Variants in LAMA3 observed in about 807,000 individuals in gnomAD.
LAMA3 encodes the protein laminin subunit alpha-3.
Under a neutral mutation model 402.0 loss-of-function variants are expected in LAMA3, and 281 were observed. The ratio of observed to expected loss-of-function variants is 0.70; its 90% CI spans 0.63 to 0.77. The LOEUF (loss-of-function observed/expected upper bound fraction) is 0.77. Among genes scored for constraint, LAMA3 ranks in the 30% least tolerant of loss-of-function variants. The pLI is 0.00. For missense variants in LAMA3, 3,840 were observed against 4,215.5 expected, an observed-to-expected ratio of 0.91 and a Z score of 2.47; for synonymous variants, 1,431 against 1,558.4, an observed-to-expected ratio of 0.92 and a Z score of 1.93.
At chr18:23,858,466 G>C (rs1598936503) in intron 33 of LAMA3, among the ~76,000 whole-genome samples, 1 of 152,132 alleles carries the variant, frequency 6.6e-6, no homozygotes, top group Admixed American at 6.5e-5. Context: ...TGCCCCAGGG[G>C]CATCTTATGA....
At position 23,954,696 on chromosome 18, in the gene LAMA3, T is replaced by A. The variant is rs886053680; in HGVS notation, c.*48T>A. 1 of 1,587,512 alleles carries A rather than the reference T, an allele frequency of 6.3e-7. No homozygotes were observed. The highest frequency in any genetic ancestry group is 1.7e-4 in the Middle Eastern group (1 of 5,988). ...GAAATTCACCTTCAAAAGCACTGAT[T>A]ACCCAATGCACCTCCCTCCCCAGCT... On this transcript the variant is annotated 3_prime_UTR_variant, in exon 75 of 75. Coordinates refer to ENST00000313654, the MANE Select transcript of LAMA3 (RefSeq NM_198129.4).
At chr18:23,811,313 C>T (rs2063064775) in intron 13 of LAMA3, among the ~76,000 whole-genome samples, 1 of 152,150 alleles carries the variant, frequency 6.6e-6, no homozygotes, top group Non-Finnish European at 1.5e-5. Flanking sequence ...TTGTGGAAGG[C>T]TGACCCAGAC....
chr18:23,933,767 C>T lies in LAMA3; in HGVS notation c.8709-15C>T. On this transcript the variant is annotated splice_polypyrimidine_tract_variant and intron_variant, in intron 66 of 74. Coordinates refer to ENST00000313654, the MANE Select transcript of LAMA3 (RefSeq NM_198129.4). ...CCAAGTTTGGCAGCATCTTTCATTT[C>T]TGCTCTTTTTCCAGGTTATCACTGA... 6.2e-7 allele frequency: 1 copy of T among 1,613,920 alleles called. No individual in the cohort carries two copies. The highest frequency in any genetic ancestry group is 8.5e-7 in the Non-Finnish European group (1 of 1,179,920).
Position 23,898,825 on chromosome 18 carries a change from G to T in LAMA3, c.5701G>T (p.Glu1901Ter). 2 of 1,610,302 alleles carry T rather than the reference G, an allele frequency of 1.2e-6. No homozygotes were observed. The highest frequency in any genetic ancestry group is 1.7e-6 in the Non-Finnish European group (2 of 1,176,576). ...AAGAGAACTGACTGATTTGAATCAA[G>T]AATTTGAGACTTTGCAAGAAAAGGT... ...LERELTDLNQEFETLQEKAQV... is the reference protein window; with the variant it reads ...LERELTDLNQ The change falls in exon 45 of 75, where the codon GAA becomes TAA. Residue 1901 changes from glutamate to a stop codon, truncating the protein, a stop_gained. Coordinates refer to ENST00000313654, the MANE Select transcript of LAMA3 (RefSeq NM_198129.4). LOFTEE classifies it high-confidence loss of function.
chr18:23,913,010 C>A (rs1210343970), intron 56 of LAMA3, 129 bp downstream of exon 56: 4 of 863,860 alleles, frequency 4.6e-6, no homozygotes, highest in Admixed American at 1.9e-5. Flanking sequence ...GAGACATCGA[C>A]AAATCCCTCC....
intron 70 of LAMA3, 98 bp from the exon 71 acceptor site, chr18:23,949,667 C>T: frequency 8.7e-7 from 1 of 1,144,276 alleles, no homozygotes; most frequent in Non-Finnish European, 1.3e-6. Context: ...ACCTACCTTC[C>T]CCCTTTTGCT....
intron 32 of LAMA3, among the ~76,000 whole-genome samples, chr18:23,857,051 G>A (rs1352793033): frequency 2.0e-5 from 3 of 152,212 alleles, no homozygotes; most frequent in Non-Finnish European, 4.4e-5. Flanking sequence ...GCACTGGGAT[G>A]AAATTTTGCA....
chr18:23,898,847 A>G lies in LAMA3; in HGVS notation c.5723A>G (p.Lys1908Arg). The change falls in exon 45 of 75, where the codon AAG (lysine) becomes AGG (arginine). Residue 1908 changes from lysine (K) to arginine (R), a missense_variant and splice_region_variant. Transcript: ENST00000313654. ...LNQEFETLQE[K>R]AQVNSRKAQT... ...CAAGAATTTGAGACTTTGCAAGAAA[A>G]GGTAATGTGTTAGGTCCATTTAACT... 6.3e-7 allele frequency: 1 copy of G among 1,592,542 alleles called. No homozygotes were observed. Among genetic ancestry groups the G allele is most frequent in the Middle Eastern group, 1.7e-4 (1 of 6,018 alleles).
intron 1 of LAMA3, chr18:23,710,287 T>G (rs1283251989): frequency 3.8e-6 from 2 of 522,970 alleles, no homozygotes; most frequent in African/African-American, 3.9e-5. Context: ...TTCGGCGCCA[T>G]CTTGTGAAAA....
intron 42 of LAMA3, among the ~76,000 whole-genome samples, chr18:23,890,616 C>G (rs554617813): frequency 2.6e-5 from 4 of 152,190 alleles, no homozygotes; most frequent in Admixed American, 6.5e-5. Flanking sequence ...TTATTAGGAG[C>G]AACTTGGAAC....
At chr18:23,912,203 G>A (rs1481253637) in intron 55 of LAMA3, among the ~76,000 whole-genome samples, 9 of 148,016 alleles carry the variant, frequency 6.1e-5, no homozygotes, top group Admixed American at 2.7e-4. Flanking sequence ...GCATGATCAT[G>A]GCATGCTGCA....
In LAMA3 at chr18:23,931,046, T is replaced by C. The variant is rs1407014184; in HGVS notation, c.8437-16T>C. On this transcript the variant is annotated splice_polypyrimidine_tract_variant and intron_variant, in intron 64 of 74. Coordinates refer to ENST00000313654, the MANE Select transcript of LAMA3 (RefSeq NM_198129.4). ...TATGCAAATTAGTTGATGGGTATTTTCTATGGTGATTTCAGACAAGGAACC... is the reference window on the plus strand; with the variant it reads ...TATGCAAATTAGTTGATGGGTATTTCCTATGGTGATTTCAGACAAGGAACC... 5.6e-6 allele frequency: 9 copies of C among 1,610,326 alleles called. No homozygotes were observed. In the South Asian group the frequency reaches 9.9e-5, roughly 18 times the overall value.
intron 47 of LAMA3, 64 bp downstream of exon 47, chr18:23,899,519 A>G: frequency 1.3e-6 from 2 of 1,506,576 alleles, no homozygotes; most frequent in Non-Finnish European, 1.8e-6. Context: ...CAACGTGCAG[A>G]GTGCAATGTA....
intron 31 of LAMA3, among the ~76,000 whole-genome samples, 175 bp downstream of exon 31, chr18:23,846,683 C>T (rs575633477): frequency 3.3e-5 from 5 of 152,224 alleles, no homozygotes; most frequent in Non-Finnish European, 7.3e-5. Flanking sequence ...TTCCAATAAG[C>T]ACCCAGGTGA....
intron 25 of LAMA3, chr18:23,837,351 A>G (rs2063603770): frequency 2.3e-6 from 1 of 428,010 alleles, no homozygotes; most frequent in Non-Finnish European, 4.3e-6. Flanking sequence ...CATTTCTACT[A>G]TTATAAAGAA....
intron 2 of LAMA3, among the ~76,000 whole-genome samples, chr18:23,725,702 AG>A (rs1177118746): frequency 6.6e-6 from 1 of 152,188 alleles, no homozygotes; most frequent in Non-Finnish European, 1.5e-5. Flanking sequence ...TCTAGACCAG[AG>A]GGGCCAGGTT....
chr18:23,758,741 G>A (rs2061906185), intron 7 of LAMA3, among the ~76,000 whole-genome samples: 8 of 152,238 alleles, frequency 5.3e-5, no homozygotes, highest in Admixed American at 2.0e-4. Flanking sequence ...CATGCATGAT[G>A]GGGCTCCGTG....
intron 29 of LAMA3, among the ~76,000 whole-genome samples, chr18:23,843,418 C>G (rs536442398): frequency 3.3e-5 from 5 of 152,192 alleles, no homozygotes; most frequent in Non-Finnish European, 5.9e-5. Flanking sequence ...TGCTGACCCC[C>G]CTTCTCTAGC....
At chr18:23,769,690 TAC>T in intron 8 of LAMA3, among the ~76,000 whole-genome samples, 1 of 152,274 alleles carries the variant, frequency 6.6e-6, no homozygotes, top group East Asian at 1.9e-4. Context: ...CAAAACCACA[TAC>T]ACACACACCA....
Sources: gnomAD v4.1 joint callset for allele counts (sites outside exome capture counted in the v4.1 genomes callset) on GRCh38, gnomAD v4.1.1 for gene constraint, MANE v1.5 for transcripts, NCBI Gene and HGNC (gene_info 2026-07-23, HGNC 2026-07-21) for gene names.